PCDH15: variants seen among roughly 807,000 people sequenced by gnomAD.
PCDH15 encodes the protein protocadherin-15.
Under a neutral mutation model 178.5 loss-of-function variants are expected in PCDH15, and 129 were observed. That is an observed-to-expected ratio of 0.72 (90% CI 0.63 to 0.84). The LOEUF is 0.84. Ranked by LOEUF, PCDH15 falls within the 40% of genes least tolerant of loss-of-function variation. The pLI is 0.00. For synonymous variants in PCDH15, 800 were observed against 732.0 expected (o/e 1.09, Z -1.50); for missense variants, 2,230 against 2,099.9 (o/e 1.06, Z -1.21).
intron 1 of PCDH15, among the ~76,000 whole-genome samples, chr10:55,184,202 ACAAAG>A (rs1418589290): frequency 6.6e-6 from 1 of 151,972 alleles, no homozygotes; most frequent in Admixed American, 6.6e-5. Flanking sequence ...GCTGAAAACC[ACAAAG>A]CACTGGTGGT....
chr10:54,350,635 G>A (rs1484056093), intron 5 of PCDH15, among the ~76,000 whole-genome samples: 1 of 152,232 alleles, frequency 6.6e-6, no homozygotes, highest in Non-Finnish European at 1.5e-5. Context: ...AGAGGCCTAT[G>A]CCAGATGCAA....
chr10:54,836,276 A>C (rs1328075518), intron 3 of PCDH15, among the ~76,000 whole-genome samples: 1 of 152,132 alleles, frequency 6.6e-6, no homozygotes, highest in Non-Finnish European at 1.5e-5. Flanking sequence ...AATGATCAGA[A>C]ATGGAGAGCA....
intron 2 of PCDH15, among the ~76,000 whole-genome samples, chr10:55,059,214 G>A (rs968567902): frequency 1.4e-4 from 21 of 152,048 alleles, no homozygotes; most frequent in Non-Finnish European, 5.9e-5. Context: ...AAAAAAAGGA[G>A]GCCATAGTAC....
chr10:55,253,208 G>GA (rs796993128), intron 1 of PCDH15, among the ~76,000 whole-genome samples: 9 of 148,310 alleles, frequency 6.1e-5, no homozygotes, highest in African/African-American at 2.2e-4. Flanking sequence ...AGGGCATGGA[G>GA]AAATAGAGAG....
At chr10:55,070,163 A>G (rs1841692514) in intron 2 of PCDH15, among the ~76,000 whole-genome samples, 1 of 151,760 alleles carries the variant, frequency 6.6e-6, no homozygotes, top group Non-Finnish European at 1.5e-5. Flanking sequence ...AGTTCATTGT[A>G]GATTCTGGAT....
chr10:55,132,455 A>C lies in PCDH15; in HGVS notation c.-80+34121T>G, dbSNP rs183486805. 3.7e-4 allele frequency among the ~76,000 whole-genome samples: 57 copies of C among 152,318 alleles called. 2 individuals are homozygous for C. The East Asian group carries it at 0.011, about 28-fold the overall frequency. On this transcript the variant is annotated intron_variant, in intron 2 of 5. Transcript: ENST00000458638. Reference sequence around the variant, plus strand: ...TAGTAGCATTTGGGGTTTTAAAAGAAATAAAAAGCACGTGCTTCCCACTGA... The same window carrying C: ...TAGTAGCATTTGGGGTTTTAAAAGACATAAAAAGCACGTGCTTCCCACTGA...
At chr10:54,817,408 A>G (rs1436327277) in intron 3 of PCDH15, among the ~76,000 whole-genome samples, 3 of 152,016 alleles carry the variant, frequency 2.0e-5, no homozygotes, top group African/African-American at 7.2e-5. Context: ...GTAGAGCAAG[A>G]TAATCAGTCA....
At chr10:54,634,840 C>T (rs1421892508) in intron 2 of PCDH15, among the ~76,000 whole-genome samples, 3 of 151,888 alleles carry the variant, frequency 2.0e-5, no homozygotes, top group Non-Finnish European at 4.4e-5. Context: ...TATCCATGCT[C>T]CTAAAATGCC....
chr10:54,423,012 TTA>T (rs1440635858), intron 3 of PCDH15, among the ~76,000 whole-genome samples: 1 of 152,168 alleles, frequency 6.6e-6, no homozygotes, highest in Non-Finnish European at 1.5e-5. Flanking sequence ...TGTATAAGTA[TTA>T]TGTGTTTTGT....
chr10:55,443,522 A>G (rs894537407), intron 2 of PCDH15, among the ~76,000 whole-genome samples: 2 of 152,226 alleles, frequency 1.3e-5, no homozygotes, highest in Admixed American at 1.3e-4. Context: ...GCCAAAAACC[A>G]TATGAAATAA....
At chr10:55,442,659 A>G (rs180962568) in intron 2 of PCDH15, among the ~76,000 whole-genome samples, 61 of 151,336 alleles carry the variant, frequency 4.0e-4, no homozygotes, top group Non-Finnish European at 2.8e-4. Context: ...GCCAAAAAAA[A>G]GAGATCCTGT....
chr10:54,670,325 C>T (rs192591871), intron 1 of PCDH15, among the ~76,000 whole-genome samples: 108 of 152,084 alleles, frequency 7.1e-4, no homozygotes, highest in Middle Eastern at 3.4e-3. Flanking sequence ...CCACATGAAA[C>T]ACATAAGGTA....
At chr10:54,485,102 G>A (rs2079007575) in intron 3 of PCDH15, among the ~76,000 whole-genome samples, 1 of 151,722 alleles carries the variant, frequency 6.6e-6, no homozygotes, top group Non-Finnish European at 1.5e-5. Context: ...CACAATATGA[G>A]AACACTTATT....
At chr10:55,021,303 G>A (rs1840321104) in intron 2 of PCDH15, among the ~76,000 whole-genome samples, 1 of 152,062 alleles carries the variant, frequency 6.6e-6, no homozygotes, top group African/African-American at 2.4e-5. Flanking sequence ...CTCTGATGGG[G>A]GACATTTAGA....
At chr10:54,436,133 A>AAAAG (rs143629974) in intron 3 of PCDH15, among the ~76,000 whole-genome samples, 82 of 150,096 alleles carry the variant, frequency 5.5e-4, no homozygotes, top group Middle Eastern at 3.4e-3. Flanking sequence ...GAAAGAAAGA[A>AAAAG]AAAGAAAGAA....
At chr10:55,290,864 A>G (rs1842990864) in intron 1 of PCDH15, among the ~76,000 whole-genome samples, 1 of 152,140 alleles carries the variant, frequency 6.6e-6, no homozygotes, top group African/African-American at 2.4e-5. Context: ...GGAGGAGGAA[A>G]TTTATCTATA....
intron 1 of PCDH15, among the ~76,000 whole-genome samples, chr10:54,709,657 A>G (rs1327684650): frequency 7.3e-6 from 1 of 137,368 alleles, no homozygotes; most frequent in African/African-American, 2.7e-5. Flanking sequence ...TCTAATACAT[A>G]TTAATGTATA....
chr10:54,833,789 T>A (rs1218777935), intron 3 of PCDH15, among the ~76,000 whole-genome samples: 1 of 152,174 alleles, frequency 6.6e-6, no homozygotes, highest in East Asian at 1.9e-4. Context: ...ATATTGTGAG[T>A]ACCAACTAAT....
chr10:55,312,001 G>A (rs1159711636), intron 1 of PCDH15, among the ~76,000 whole-genome samples: 1 of 152,160 alleles, frequency 6.6e-6, no homozygotes, highest in Non-Finnish European at 1.5e-5. Context: ...TTTACATGCT[G>A]TGAATCAAGG....
Sources: allele counts gnomAD v4.1 joint callset (sites outside exome capture counted in the v4.1 genomes callset), GRCh38; gene constraint gnomAD v4.1.1; transcripts MANE v1.5; gene names NCBI Gene and HGNC (gene_info 2026-07-23, HGNC 2026-07-21).